C17orf78: variants seen among roughly 807,000 people sequenced by gnomAD.
The protein encoded by C17orf78 is chromosome 17 open reading frame 78.
In C17orf78, 27 loss-of-function variants were observed where a neutral mutation model predicts 31.8. The ratio of observed to expected loss-of-function variants is 0.85; its 90% CI spans 0.63 to 1.17. The LOEUF is 1.17. Ranked by LOEUF, C17orf78 falls within the 50% of genes most tolerant of loss-of-function variation. C17orf78 has a pLI of 0.00. For missense variants in C17orf78, 258 were observed against 315.2 expected (o/e 0.82, Z 1.37); for synonymous variants, 106 against 115.1 (o/e 0.92, Z 0.51).
chr17:37,388,554 G>C, intron 4 of C17orf78, 116 bp from the exon 5 acceptor site: 2 of 1,234,128 alleles, frequency 1.6e-6, no homozygotes, highest in Non-Finnish European at 2.3e-6. Context: ...TCTGCCTCTG[G>C]GTTAGTCTGG....
intron 3 of C17orf78, among the ~76,000 whole-genome samples, chr17:37,380,241 C>G (rs985606182): frequency 7.8e-6 from 1 of 128,754 alleles, no homozygotes; most frequent in Non-Finnish European, 1.5e-5. Flanking sequence ...CACATGGACA[C>G]AGGAAGGGGA....
At chr17:37,381,176 T>TTTGTTG (rs570921905) in intron 3 of C17orf78, among the ~76,000 whole-genome samples, 3 of 151,882 alleles carry the variant, frequency 2.0e-5, no homozygotes, top group African/African-American at 4.8e-5. Context: ...TTATTGTTAT[T>TTTGTTG]TTGTTGTTGT....
At position 37,386,137 on chromosome 17, in the gene C17orf78, A is replaced by C; in HGVS notation, c.508+12A>C. 6.7e-7 allele frequency: 1 copy of C among 1,494,194 alleles called. No individual in the cohort carries two copies. Among genetic ancestry groups the C allele is most frequent in the South Asian group, 1.2e-5 (1 of 83,418 alleles). The allele number at this position is 1,494,194 out of a possible 1,614,324, so 92.6% of individuals were successfully genotyped here. ...AACTACAAGTACCGGTAATTTTTCT[A>C]GCTTTGAAATGACAAAGTACAGAAT... is the stretch of plus-strand genomic sequence containing the variant. On this transcript the variant is annotated intron_variant, in intron 4 of 6. Coordinates refer to ENST00000615133, the MANE Select transcript of C17orf78 (RefSeq NM_173625.5).
At position 37,379,339 on chromosome 17, in the gene C17orf78, C is replaced by A; in HGVS notation, c.348C>A (p.Ile116=). Residue 116 remains isoleucine (I), a synonymous_variant, in exon 3 of 7, where the codon ATC becomes ATA. Coordinates refer to ENST00000615133, the MANE Select transcript of C17orf78 (RefSeq NM_173625.5). ...CTGCCTCCTCAAGCTGTCACCTAAT[C>A]CCCACATCCAAGTTTCAGACTGGAT... ...NSSASSSCHL[I]PTSKFQTGSL... 6.2e-7 allele frequency: 1 copy of A among 1,613,970 alleles called. No individual in the cohort carries two copies. The highest frequency in any genetic ancestry group is 8.5e-7 in the Non-Finnish European group (1 of 1,179,870).
chr17:37,376,279 T>C (rs2049999050), intron 1 of C17orf78, 129 bp downstream of exon 1: 2 of 726,250 alleles, frequency 2.8e-6, no homozygotes, highest in Admixed American at 4.6e-5. Context: ...GTTAATCCCA[T>C]GTATCCACTC....
At chr17:37,391,551 C>CAA in intron 6 of C17orf78, 96 bp from the exon 7 acceptor site, 1 of 1,056,112 alleles carries the variant, frequency 9.5e-7, no homozygotes, top group Non-Finnish European at 1.5e-6. Flanking sequence ...CTTGGAATTA[C>CAA]ATGGGGTTTT....
chr17:37,380,192 G>T (rs1014585679), intron 3 of C17orf78, among the ~76,000 whole-genome samples: 1 of 147,774 alleles, frequency 6.8e-6, no homozygotes. Flanking sequence ...ACCAAACACC[G>T]CATATTCTCA....
chr17:37,381,728 C>A (rs192898754), intron 3 of C17orf78, among the ~76,000 whole-genome samples: 2 of 150,024 alleles, frequency 1.3e-5, no homozygotes, highest in South Asian at 2.1e-4. Flanking sequence ...CTCGGGTTCA[C>A]GCCATTCTCC....
In C17orf78 at chr17:37,392,462, A is replaced by T. The variant is rs938762480; in HGVS notation, c.*738A>T. 1 of 152,198 alleles carries T rather than the reference A, an allele frequency of 6.6e-6. No individual in the cohort carries two copies. Among genetic ancestry groups the T allele is most frequent in the South Asian group, 2.1e-4 (1 of 4,834 alleles). The allele number at this position is 152,198 out of a possible 1,614,324, so 9.4% of individuals were successfully genotyped here. A position where few individuals can be genotyped will look rare whatever the true frequency, so the allele number is the denominator to read the frequency against. ...CTCACAGGAGAATAGCTATGAGTCA[A>T]ATCTAACCTGCTTAAATAAGAGTTT... is the stretch of plus-strand genomic sequence containing the variant. On this transcript the variant is annotated 3_prime_UTR_variant, in exon 7 of 7. Transcript: ENST00000615133.
intron 2 of C17orf78, 96 bp from the exon 3 acceptor site, chr17:37,379,041 C>T: frequency 7.1e-7 from 1 of 1,406,910 alleles, no homozygotes; most frequent in Non-Finnish European, 9.5e-7. Context: ...CACTGCACTC[C>T]AGCTTGGGTG....
chr17:37,379,577 G>C (rs2050155042), intron 3 of C17orf78, among the ~76,000 whole-genome samples, 195 bp downstream of exon 3: 2 of 152,088 alleles, frequency 1.3e-5, no homozygotes. Context: ...CAGATGAGTA[G>C]GTTGCGAAAA....
chr17:37,377,886 A>G lies in C17orf78; in HGVS notation c.66A>G (p.Arg22=). The change falls in exon 2 of 7, where the codon AGA becomes AGG. Residue 22 remains arginine (R), a synonymous_variant. Transcript: ENST00000615133. ...ASYDANKKDL[R]DSSCRLEQLP... is the part of the protein sequence containing the mutation. ...CCCTCTGCTCACCCCCAGACCTCAG[A>G]GATAGCAGTTGCCGACTGGAACAGC... 6.2e-7 allele frequency: 1 copy of G among 1,607,140 alleles called. No individual in the cohort carries two copies. Among genetic ancestry groups the G allele is most frequent in the South Asian group, 1.1e-5 (1 of 90,854 alleles).
intron 6 of C17orf78, among the ~76,000 whole-genome samples, chr17:37,390,282 T>TATAATTATATATTATAC (rs1568095576): frequency 2.0e-5 from 1 of 51,194 alleles, no homozygotes; most frequent in South Asian, 7.0e-4. Context: ...ATATATTATA[T>TATAATTATATATTATAC]ATAATTATAT....
intron 1 of C17orf78, among the ~76,000 whole-genome samples, chr17:37,377,490 T>C (rs981199315): frequency 1.3e-5 from 2 of 151,840 alleles, no homozygotes; most frequent in African/African-American, 2.4e-5. Context: ...CGAAACCCCA[T>C]CTCTACTAAA....
chr17:37,388,717 A>C lies in C17orf78; in HGVS notation c.556A>C (p.Lys186Gln), dbSNP rs778196965. The change falls in exon 5 of 7, where the codon AAA becomes CAA. Residue 186 changes from lysine to glutamine, a missense_variant. Physicochemically the swap from Lys to Gln is moderately conservative, Grantham distance 53. Coordinates refer to ENST00000615133, the MANE Select transcript of C17orf78 (RefSeq NM_173625.5). The part of the protein sequence containing the change: ...EKRQKWSIVV[K>Q]ILIAVTLLLS... ...GAGACAGAAATGGAGTATTGTGGTC[A>C]AAATTCTGATTGCTGTCACCCTGTT... The C allele has an allele frequency of 6.2e-7, 1 of 1,612,306 alleles. No homozygotes were observed. Among genetic ancestry groups the C allele is most frequent in the Non-Finnish European group, 8.5e-7 (1 of 1,178,744 alleles).
At chr17:37,377,547 C>A (rs1188047993) in intron 1 of C17orf78, among the ~76,000 whole-genome samples, 3 of 152,028 alleles carry the variant, frequency 2.0e-5, no homozygotes, top group Non-Finnish European at 4.4e-5. Context: ...GTAATCCCAG[C>A]TACTCGGGAG....
chr17:37,389,469 G>T, intron 6 of C17orf78, 107 bp downstream of exon 6: 1 of 1,437,058 alleles, frequency 7.0e-7, no homozygotes. Context: ...GGCTGAGGCA[G>T]GTGGATCACC....
Position 37,391,658 on chromosome 17 carries a change from T to C in C17orf78, c.762T>C (p.Asp254=). Residue 254 remains aspartate (D), a synonymous_variant, in exon 7 of 7, where the codon GAT becomes GAC. Transcript: ENST00000615133. ...CTTTCAATCTCTAGGTTGGACAAGA[T>C]GCTGCCAATTCATCAAACCCAAAGA... ...PDSQPQKVGQ[D]AANSSNPKKA... The C allele has an allele frequency of 1.9e-6, 3 of 1,613,890 alleles. No homozygotes were observed. Among genetic ancestry groups the C allele is most frequent in the Non-Finnish European group, 2.5e-6 (3 of 1,179,810 alleles).
intron 3 of C17orf78, among the ~76,000 whole-genome samples, chr17:37,380,954 T>A (rs1240390473): frequency 3.3e-5 from 5 of 151,586 alleles, no homozygotes. Context: ...TCAAACAGTA[T>A]AGATTTATAG....
Sources: allele counts gnomAD v4.1 joint callset (sites outside exome capture counted in the v4.1 genomes callset), GRCh38; gene constraint gnomAD v4.1.1; transcripts MANE v1.5; gene names NCBI Gene and HGNC (gene_info 2026-07-23, HGNC 2026-07-21).